Variants in MTCL1 observed in about 807,000 individuals in gnomAD.
The protein encoded by MTCL1 is microtubule cross-linking factor 1.
In MTCL1, 79 loss-of-function variants were observed where a neutral mutation model predicts 141.4. The ratio of observed to expected loss-of-function variants is 0.56; its 90% CI spans 0.47 to 0.67. The LOEUF is 0.67. Among genes scored for constraint, MTCL1 ranks in the 30% least tolerant of loss-of-function variants. The pLI is 0.00. For synonymous variants in MTCL1, 914 were observed against 875.8 expected, an observed-to-expected ratio of 1.04 and a Z score of -0.77; for missense variants, 2,177 against 2,113.9, an observed-to-expected ratio of 1.03 and a Z score of -0.59.
exon 6 of MTCL1, chr18:8,784,160 G>A (rs377251478): frequency 2.8e-5 from 45 of 1,613,776 alleles, no homozygotes; most frequent in Middle Eastern, 1.7e-4. Context: ...CGAGCTCAGC[G>A]GCAAGGTGCT....
intron 11 of MTCL1, among the ~76,000 whole-genome samples, chr18:8,809,102 G>A (rs187881151): frequency 6.8e-6 from 1 of 146,738 alleles, no homozygotes; most frequent in African/African-American, 2.5e-5. Flanking sequence ...TGAGGGGAAA[G>A]AATAATTTTA....
intron 4 of MTCL1, among the ~76,000 whole-genome samples, chr18:8,767,971 T>C (rs1055265973): frequency 1.3e-5 from 2 of 152,226 alleles, no homozygotes; most frequent in Non-Finnish European, 2.9e-5. Context: ...GTGAATGTTT[T>C]ATGAAAAATT....
intron 3 of MTCL1, among the ~76,000 whole-genome samples, chr18:8,719,708 A>G (rs1470910057): frequency 6.6e-6 from 1 of 152,180 alleles, no homozygotes; most frequent in Non-Finnish European, 1.5e-5. Context: ...GACTATAGGC[A>G]TGCATCACCA....
chr18:8,814,225 T>C (rs2076578788), intron 12 of MTCL1, among the ~76,000 whole-genome samples: 1 of 152,084 alleles, frequency 6.6e-6, no homozygotes, highest in African/African-American at 2.4e-5. Flanking sequence ...ATGAACTAAA[T>C]GGTAAGAAAG....
chr18:8,812,421 T>C (rs528276149), intron 11 of MTCL1, among the ~76,000 whole-genome samples: 8 of 152,382 alleles, frequency 5.2e-5, no homozygotes, highest in Admixed American at 5.2e-4. Flanking sequence ...TCCATCATCT[T>C]CTGACTTGCA....
At position 8,706,725 on chromosome 18, in the gene MTCL1, C is replaced by T. The variant is rs1168446513; in HGVS notation, c.1053+12C>T. ...ACGACTATCTCAAGGTGAGCCGCGC[C>T]TCGGCCGCAGGTGTCCCGGGGCGCC... On this transcript the variant is annotated intron_variant, in intron 1 of 13. Coordinates refer to the MTCL1 transcript ENST00000306329. The T allele has an allele frequency of 2.6e-6, 4 of 1,544,374 alleles. No individual in the cohort carries two copies. The highest frequency in any genetic ancestry group is 1.4e-5 in the African/African-American group (1 of 72,900).
intron 4 of MTCL1, among the ~76,000 whole-genome samples, chr18:8,756,465 G>A (rs1245222464): frequency 9.7e-4 from 134 of 138,180 alleles, no homozygotes; most frequent in African/African-American, 3.9e-3. Context: ...GTATATATGT[G>A]TATATGTGTG....
intron 4 of MTCL1, among the ~76,000 whole-genome samples, chr18:8,758,239 T>C (rs1249438909): frequency 6.6e-6 from 1 of 152,084 alleles, no homozygotes; most frequent in Non-Finnish European, 1.5e-5. Context: ...GTCAGGCTGG[T>C]CTCAAACTCC....
upstream of MTCL1, among the ~76,000 whole-genome samples, chr18:8,713,982 C>T (rs1262164033): frequency 1.3e-5 from 2 of 152,148 alleles, no homozygotes; most frequent in East Asian, 3.8e-4. Flanking sequence ...ATCTTTACCG[C>T]ACGTTGCAGT....
intron 4 of MTCL1, among the ~76,000 whole-genome samples, chr18:8,748,453 G>A (rs889010574): frequency 3.3e-5 from 5 of 152,120 alleles, no homozygotes; most frequent in Non-Finnish European, 7.4e-5. Flanking sequence ...TGAGATGGGA[G>A]GATCGTTTGA....
intron 9 of MTCL1, among the ~76,000 whole-genome samples, chr18:8,797,207 C>A (rs1331471609): frequency 6.6e-6 from 1 of 152,196 alleles, no homozygotes; most frequent in East Asian, 1.9e-4. Flanking sequence ...AAGCTGGTTT[C>A]TAAAACTTTT....
At chr18:8,769,525 T>C (rs1166566777) in intron 4 of MTCL1, among the ~76,000 whole-genome samples, 1 of 152,210 alleles carries the variant, frequency 6.6e-6, no homozygotes, top group Non-Finnish European at 1.5e-5. Flanking sequence ...AAGGTACATA[T>C]CACAAAGGTT....
At chr18:8,794,768 G>C (rs950301519) in intron 8 of MTCL1, among the ~76,000 whole-genome samples, 2 of 152,170 alleles carry the variant, frequency 1.3e-5, no homozygotes, top group South Asian at 2.1e-4. Context: ...GTTCCTCATT[G>C]TTCTTGTTCT....
intron 5 of MTCL1, among the ~76,000 whole-genome samples, chr18:8,783,093 G>C (rs1233751744): frequency 6.6e-6 from 1 of 152,190 alleles, no homozygotes; most frequent in Non-Finnish European, 1.5e-5. Context: ...AACCCTGTCT[G>C]CCTGCACCAG....
rs144429280 is a variant in MTCL1, at chr18:8,760,724, G to A, written c.358-17109G>A. On this transcript the variant is annotated intron_variant, in intron 4 of 16. Transcript: ENST00000359865. ...TGTGTGTGTCTGCATGTGTGTATGTGTGCATTTACATAAAGCAAAGATAAG... is the reference window on the plus strand; with the variant it reads ...TGTGTGTGTCTGCATGTGTGTATGTATGCATTTACATAAAGCAAAGATAAG... Among the ~76,000 whole-genome samples the A allele has an allele frequency of 9.2e-3, 1,399 of 151,888 alleles. 24 individuals are homozygous for A. The highest frequency in any genetic ancestry group is 0.028 in the African/African-American group (1,171 of 41,372).
chr18:8,754,483 C>T (rs1470923263), intron 4 of MTCL1, among the ~76,000 whole-genome samples: 1 of 152,156 alleles, frequency 6.6e-6, no homozygotes, highest in Admixed American at 6.5e-5. Flanking sequence ...AGTTCTTGCC[C>T]TTGGCTTTAT....
chr18:8,713,745 C>T (rs982393487), upstream of MTCL1, among the ~76,000 whole-genome samples: 1 of 152,154 alleles, frequency 6.6e-6, no homozygotes, highest in Non-Finnish European at 1.5e-5. Flanking sequence ...TGGTGGAAAG[C>T]CATTTATACT....
intron 4 of MTCL1, among the ~76,000 whole-genome samples, chr18:8,749,885 C>T (rs1190085569): frequency 1.3e-5 from 2 of 152,022 alleles, no homozygotes; most frequent in East Asian, 1.9e-4. Flanking sequence ...AAACTTGTTT[C>T]GATGTTTCAG....
intron 11 of MTCL1, among the ~76,000 whole-genome samples, chr18:8,811,433 G>A (rs1466231852): frequency 1.3e-5 from 2 of 152,214 alleles, no homozygotes; most frequent in African/African-American, 4.8e-5. Flanking sequence ...TCAACGTGAA[G>A]TTTGGGGGAC....
Sources: gnomAD v4.1 joint callset for allele counts (sites outside exome capture counted in the v4.1 genomes callset) on GRCh38, gnomAD v4.1.1 for gene constraint, MANE v1.5 for transcripts, NCBI Gene and HGNC (gene_info 2026-07-23, HGNC 2026-07-21) for gene names.